The following MRGPRG variants were observed in gnomAD, a reference collection of about 807,000 sequenced individuals.
MRGPRG encodes the protein mas-related G protein-coupled receptor member G.
For missense variants in MRGPRG, 395 were observed against 394.7 expected (o/e 1.00, Z -0.01); for synonymous variants, 216 against 206.7 (o/e 1.05, Z -0.39).
chr11:3,218,780 C>T lies in MRGPRG; in HGVS notation c.34G>A (p.Asp12Asn), dbSNP rs1564887729. ...AGCGTCAGGTAGAAGACCACACTGTCGAAGGTTCTCCAGAGGCCGAACAGC... is the reference window on the plus strand; with the variant it reads ...AGCGTCAGGTAGAAGACCACACTGTTGAAGGTTCTCCAGAGGCCGAACAGC... ...FGLFGLWRTFDSVVFYLTLIV... is the reference protein window; with the variant it reads ...FGLFGLWRTFNSVVFYLTLIV... Residue 12 changes from aspartate (D) to asparagine (N), a missense_variant, in exon 1 of 1, where the codon GAC becomes AAC. Asp to Asn is a conservative substitution (Grantham distance 23). Transcript: ENST00000332314. 9.1e-6 allele frequency: 14 copies of T among 1,544,886 alleles called. No individual in the cohort carries two copies. Among genetic ancestry groups the T allele is most frequent in the Non-Finnish European group, 1.2e-5 (14 of 1,143,314 alleles).
In MRGPRG at chr11:3,218,705, G is replaced by C; in HGVS notation, c.109C>G (p.Leu37Val). 6.5e-7 allele frequency: 1 copy of C among 1,546,112 alleles called. No homozygotes were observed. Among genetic ancestry groups the C allele is most frequent in the Non-Finnish European group, 8.7e-7 (1 of 1,143,854 alleles). The change falls in exon 1 of 1, where the codon CTC becomes GTC. Residue 37 changes from leucine to valine, a missense_variant. Leu to Val is a conservative substitution (Grantham distance 32). Transcript: ENST00000332314. ...PVGNGLVLWN[L>V]GFRIKKGPFS... ...GGGCCCTTCTTGATGCGGAAGCCGA[G>C]GTTCCAGAGCACCAGCCCGTTACCT...
Position 3,218,793 on chromosome 11 carries a change from G to A in MRGPRG, c.21C>T (p.Leu7=), listed in dbSNP as rs1847653167. 2.6e-6 allele frequency: 4 copies of A among 1,543,682 alleles called. No individual in the cohort carries two copies. The East Asian group carries it at 9.8e-5, about 38-fold the overall frequency. The part of the protein sequence containing the change: MFGLFG[L]WRTFDSVVFY... ...AGACCACACTGTCGAAGGTTCTCCAGAGGCCGAACAGCCCAAACATCCTGG... is the reference window on the plus strand; with the variant it reads ...AGACCACACTGTCGAAGGTTCTCCAAAGGCCGAACAGCCCAAACATCCTGG... Residue 7 remains leucine (L), a synonymous_variant, in exon 1 of 1, where the codon CTC becomes CTT. Coordinates refer to ENST00000332314, the MANE Select transcript of MRGPRG (RefSeq NM_001164377.1).
chr11:3,218,192 A>G lies in MRGPRG; in HGVS notation c.622T>C (p.Phe208Leu). 4 of 1,540,768 alleles carry G rather than the reference A, an allele frequency of 2.6e-6. No individual in the cohort carries two copies. The highest frequency in any genetic ancestry group is 2.4e-5 in the South Asian group (2 of 82,902). ...AAGACCGAGGGCAGGCCACAGAAGA[A>G]GAGCAGGAGCAGCGCGCCCAGGACG... ...GIVLGALLLL[F>L]FCGLPSVFYW... The change falls in exon 1 of 1, where the codon TTC becomes CTC. Residue 208 changes from phenylalanine to leucine, a missense_variant. Physicochemically the swap from Phe to Leu is conservative, Grantham distance 22. Transcript: ENST00000332314.
Position 3,218,028 on chromosome 11 carries a change from C to T in MRGPRG, c.786G>A (p.Pro262=), listed in dbSNP as rs1433379862. The T allele has an allele frequency of 2.6e-6, 4 of 1,543,008 alleles. No individual in the cohort carries two copies. Among genetic ancestry groups the T allele is most frequent in the African/African-American group, 1.4e-5 (1 of 72,726 alleles). The change falls in exon 1 of 1, where the codon CCG becomes CCA. Residue 262 remains proline, a synonymous_variant. Coordinates refer to ENST00000332314, the MANE Select transcript of MRGPRG (RefSeq NM_001164377.1). The stretch of plus-strand genomic sequence containing the variant: ...GGGCCCTCCGCAGTACCGACCTCAG[C>T]GGCTCCCGCTTCCCGGGCTGTCGGC... ...GLGRQPGKRE[P]LRSVLRRALG... is the part of the protein sequence containing the mutation.
Position 3,218,475 on chromosome 11 carries a change from G to A in MRGPRG, c.339C>T (p.Tyr113=). The part of the protein sequence containing the change: ...RCLSDLFPAC[Y]QGCRPRHASA... ...AGGCGTGTCTGGGCCGGCAGCCCTGGTAGCAGGCGGGGAAGAGGTCGGAGA... is the reference window on the plus strand; with the variant it reads ...AGGCGTGTCTGGGCCGGCAGCCCTGATAGCAGGCGGGGAAGAGGTCGGAGA... Residue 113 remains tyrosine, a synonymous_variant, in exon 1 of 1, where the codon TAC becomes TAT. Transcript: ENST00000332314. 9 of 1,543,744 alleles carry A rather than the reference G, an allele frequency of 5.8e-6. No homozygotes were observed. Among genetic ancestry groups the A allele is most frequent in the Non-Finnish European group, 7.9e-6 (9 of 1,143,714 alleles).
chr11:3,218,115 C>A lies in MRGPRG; in HGVS notation c.699G>T (p.Pro233=), dbSNP rs781548506. 4 of 1,544,636 alleles carry A rather than the reference C, an allele frequency of 2.6e-6. No individual in the cohort carries two copies. In the South Asian group the frequency reaches 3.6e-5, roughly 14 times the overall value. ...LLNFLLPVFS[P]LATLLACVNS... ...TGACGCAGGCCAGCAGCGTGGCCAGCGGGGAAAACACGGGCAGCAGGAAGT... is the reference window on the plus strand; with the variant it reads ...TGACGCAGGCCAGCAGCGTGGCCAGAGGGGAAAACACGGGCAGCAGGAAGT... The change falls in exon 1 of 1, where the codon CCG becomes CCT. Residue 233 remains proline, a synonymous_variant. Coordinates refer to ENST00000332314, the MANE Select transcript of MRGPRG (RefSeq NM_001164377.1).
chr11:3,218,245 G>C lies in MRGPRG; in HGVS notation c.569C>G (p.Thr190Ser), dbSNP rs117134877. The C allele has an allele frequency of 3.4e-5, 51 of 1,497,404 alleles. 3 individuals are homozygous for C. The African/African-American group carries it at 6.7e-4, about 20-fold the overall frequency. The allele number at this position is 1,497,404 out of a possible 1,614,324, so 92.8% of individuals were successfully genotyped here. ...VLFVWVTCCS[T>S]RPRPRLYGIV... ...GCCGTAGAGCCTGGGCCGCGGGCGA[G>C]TGGAGCAGCAGGTCACCCAGACAAA... The change falls in exon 1 of 1, where the codon ACT (threonine) becomes AGT (serine). Residue 190 changes from threonine (T) to serine (S), a missense_variant. Coordinates refer to ENST00000332314, the MANE Select transcript of MRGPRG (RefSeq NM_001164377.1).
At position 3,218,346 on chromosome 11, in the gene MRGPRG, G is replaced by A. The variant is rs549908000; in HGVS notation, c.468C>T (p.Cys156=). The stretch of plus-strand genomic sequence containing the variant: ...TGACGCTGGCCACGTGGTAGCGCGG[G>A]CAGACCAGGGGGCACGCGCTGTTGC... The part of the protein sequence containing the change: ...LLRNSACPLV[C]PRYHVASVTW... Residue 156 remains cysteine, a synonymous_variant, in exon 1 of 1, where the codon TGC becomes TGT. Transcript: ENST00000332314. 9.4e-5 allele frequency: 137 copies of A among 1,458,330 alleles called. 9 individuals are homozygous for A. In the South Asian group the frequency reaches 2.0e-3, roughly 21 times the overall value. The allele number at this position is 1,458,330 out of a possible 1,614,324, so 90.3% of individuals were successfully genotyped here.
At position 3,218,333 on chromosome 11, in the gene MRGPRG, C is replaced by A; in HGVS notation, c.481G>T (p.Val161Leu). The change falls in exon 1 of 1, where the codon GTG (valine) becomes TTG (leucine). Residue 161 changes from valine to leucine, a missense_variant. Val to Leu is a conservative substitution (Grantham distance 32). Coordinates refer to ENST00000332314, the MANE Select transcript of MRGPRG (RefSeq NM_001164377.1). ...ACCAGGAACCAGGTGACGCTGGCCA[C>A]GTGGTAGCGCGGGCAGACCAGGGGG... ...ACPLVCPRYH[V>L]ASVTWFLVLA... 6.9e-7 allele frequency: 1 copy of A among 1,453,652 alleles called. No homozygotes were observed. Among genetic ancestry groups the A allele is most frequent in the Non-Finnish European group, 9.1e-7 (1 of 1,103,596 alleles). The allele number at this position is 1,453,652 out of a possible 1,614,324, so 90.0% of individuals were successfully genotyped here. A position where few individuals can be genotyped will look rare whatever the true frequency, so the allele number is the denominator to read the frequency against.
chr11:3,218,189 AG>A, the MRGPRG span: 2 of 1,541,106 alleles, frequency 1.3e-6, no homozygotes, highest in Non-Finnish European at 1.8e-6. Flanking sequence ...AGGCCACAGA[AG>A]AAGAGCAGGA....
the MRGPRG span, chr11:3,218,045 GC>G: frequency 6.5e-7 from 1 of 1,543,982 alleles, no homozygotes; most frequent in East Asian, 2.4e-5. Flanking sequence ...CGCTTCCCGG[GC>G]TGTCGGCCCA....
rs567960842 is a variant in MRGPRG at position 3,218,012 on chromosome 11, G to T, written c.802C>A (p.Arg268=). The change falls in exon 1 of 1, where the codon CGG becomes AGG. Residue 268 remains arginine (R), a synonymous_variant. Transcript: ENST00000332314. ...GKREPLRSVL[R]RALGEGAELG... is the part of the protein sequence containing the mutation. Reference sequence around the variant, plus strand: ...TCGGCGCCCTCCCCCAGGGCCCTCCGCAGTACCGACCTCAGCGGCTCCCGC... The same window carrying T: ...TCGGCGCCCTCCCCCAGGGCCCTCCTCAGTACCGACCTCAGCGGCTCCCGC... The T allele has an allele frequency of 5.2e-6, 8 of 1,539,834 alleles. 1 individual carries two copies. The East Asian group carries it at 7.4e-5, about 14-fold the overall frequency.
In MRGPRG at chr11:3,218,485, G is replaced by A; in HGVS notation, c.329C>T (p.Pro110Leu). Reference sequence around the variant, plus strand: ...GGGCCGGCAGCCCTGGTAGCAGGCGGGGAAGAGGTCGGAGAGGCAGCGCTC... The same window carrying A: ...GGGCCGGCAGCCCTGGTAGCAGGCGAGGAAGAGGTCGGAGAGGCAGCGCTC... ...SVERCLSDLF[P>L]ACYQGCRPRH... Residue 110 changes from proline to leucine, a missense_variant, in exon 1 of 1, where the codon CCC becomes CTC. By Grantham distance (98) the Pro-to-Leu change is moderately conservative. Transcript: ENST00000332314. The A allele has an allele frequency of 6.5e-7, 1 of 1,544,400 alleles. No individual in the cohort carries two copies. The highest frequency in any genetic ancestry group is 8.7e-7 in the Non-Finnish European group (1 of 1,143,776).
In MRGPRG at chr11:3,218,774, C is replaced by T. The variant is rs1337913762; in HGVS notation, c.40G>A (p.Val14Met). Residue 14 changes from valine to methionine, a missense_variant, in exon 1 of 1, where the codon GTG becomes ATG. Transcript: ENST00000332314. ...ACGATCAGCGTCAGGTAGAAGACCA[C>T]ACTGTCGAAGGTTCTCCAGAGGCCG... ...LFGLWRTFDS[V>M]VFYLTLIVGL... 2 of 1,545,324 alleles carry T rather than the reference C, an allele frequency of 1.3e-6. No individual in the cohort carries two copies. The highest frequency in any genetic ancestry group is 1.7e-6 in the Non-Finnish European group (2 of 1,143,644).
rs1274089628 is a variant in MRGPRG, at chr11:3,218,752, A to G, written c.62T>C (p.Ile21Thr). 6.5e-7 allele frequency: 1 copy of G among 1,545,782 alleles called. No individual in the cohort carries two copies. The highest frequency in any genetic ancestry group is 8.7e-7 in the Non-Finnish European group (1 of 1,143,760). ...ACCTACCGGTCCCCCGAGGCCCACGATCAGCGTCAGGTAGAAGACCACACT... is the reference window on the plus strand; with the variant it reads ...ACCTACCGGTCCCCCGAGGCCCACGGTCAGCGTCAGGTAGAAGACCACACT... ...FDSVVFYLTLIVGLGGPVGNG... is the reference protein window; with the variant it reads ...FDSVVFYLTLTVGLGGPVGNG... Residue 21 changes from isoleucine to threonine, a missense_variant, in exon 1 of 1, where the codon ATC becomes ACC. Coordinates refer to ENST00000332314, the MANE Select transcript of MRGPRG (RefSeq NM_001164377.1).
In MRGPRG at chr11:3,218,563, A is replaced by T; in HGVS notation, c.251T>A (p.Leu84His). The T allele has an allele frequency of 6.5e-7, 1 of 1,545,576 alleles. No individual in the cohort carries two copies. The highest frequency in any genetic ancestry group is 8.7e-7 in the Non-Finnish European group (1 of 1,143,818). Residue 84 changes from leucine (L) to histidine (H), a missense_variant, in exon 1 of 1, where the codon CTC becomes CAC. Physicochemically the swap from Leu to His is moderately conservative, Grantham distance 99 (BLOSUM62 -3). Transcript: ENST00000332314. Reference protein sequence around the residue: ...LGAQDTLYFVLTFLWFAVGLW... With the variant: ...LGAQDTLYFVHTFLWFAVGLW... ...CCCCACCGCGAACCACAGGAAGGTG[A>T]GCACGAAGTAGAGTGTGTCCTGGGC...
At position 3,218,239 on chromosome 11, in the gene MRGPRG, G is replaced by A. The variant is rs1847645061; in HGVS notation, c.575C>T (p.Pro192Leu). 3.3e-6 allele frequency: 5 copies of A among 1,501,578 alleles called. 1 individual carries two copies. Among genetic ancestry groups the A allele is most frequent in the East Asian group, 2.5e-5 (1 of 40,304 alleles). 93.0% of individuals were successfully genotyped at this position (1,501,578 alleles called of 1,614,324 possible). ...GACGATGCCGTAGAGCCTGGGCCGC[G>A]GGCGAGTGGAGCAGCAGGTCACCCA... ...FVWVTCCSTR[P>L]RPRLYGIVLG... Residue 192 changes from proline (P) to leucine (L), a missense_variant, in exon 1 of 1, where the codon CCG becomes CTG. Pro to Leu is a moderately conservative substitution (Grantham distance 98, BLOSUM62 -3). Transcript: ENST00000332314.
rs1449144633 is a variant in MRGPRG at position 3,218,181 on chromosome 11, G to T, written c.633C>A (p.Gly211=). The T allele has an allele frequency of 6.5e-7, 1 of 1,542,214 alleles. No individual in the cohort carries two copies. The highest frequency in any genetic ancestry group is 8.8e-7 in the Non-Finnish European group (1 of 1,141,820). ...LGALLLLFFC[G]LPSVFYWSLQ... ...GGCTCCAGTAGAAGACCGAGGGCAG[G>T]CCACAGAAGAAGAGCAGGAGCAGCG... Residue 211 remains glycine, a synonymous_variant, in exon 1 of 1, where the codon GGC becomes GGA. Transcript: ENST00000332314.
In MRGPRG at chr11:3,218,319, G is replaced by A. The variant is rs1847646101; in HGVS notation, c.495C>T (p.Thr165=). The change falls in exon 1 of 1, where the codon ACC becomes ACT. Residue 165 remains threonine (T), a synonymous_variant. Coordinates refer to ENST00000332314, the MANE Select transcript of MRGPRG (RefSeq NM_001164377.1). ...VCPRYHVASV[T]WFLVLARVAW... is the part of the protein sequence containing the mutation. ...CGACGCGGGCCAGCACCAGGAACCA[G>A]GTGACGCTGGCCACGTGGTAGCGCG... is the stretch of plus-strand genomic sequence containing the variant. 6.9e-7 allele frequency: 1 copy of A among 1,454,952 alleles called. No homozygotes were observed. Among genetic ancestry groups the A allele is most frequent in the Non-Finnish European group, 9.1e-7 (1 of 1,103,170 alleles). 90.1% of individuals were successfully genotyped at this position (1,454,952 alleles called of 1,614,324 possible).
Sources: allele counts gnomAD v4.1 joint callset, GRCh38; gene constraint gnomAD v4.1.1; transcripts MANE v1.5; gene names NCBI Gene and HGNC (gene_info 2026-07-23, HGNC 2026-07-21).